Variants in XRCC4 observed in about 807,000 individuals in gnomAD.
The protein encoded by XRCC4 is X-ray repair cross complementing 4, also known as DNA repair protein XRCC4.
XRCC4 carries 28 observed loss-of-function variants against 39.1 expected under a neutral mutation model. That is an observed-to-expected ratio of 0.72 (90% CI 0.53 to 0.98). The LOEUF is 0.98. Ranked by LOEUF, XRCC4 falls within the 50% of genes least tolerant of loss-of-function variation. The pLI is 0.00. For synonymous variants in XRCC4, 123 were observed against 126.4 expected, an observed-to-expected ratio of 0.97 and a Z score of 0.18; for missense variants, 350 against 376.4, an observed-to-expected ratio of 0.93 and a Z score of 0.58.
chr5:83,360,187 G>A, the XRCC4 span, among the ~76,000 whole-genome samples: 1 of 152,076 alleles, frequency 6.6e-6, no homozygotes, highest in African/African-American at 2.4e-5. Context: ...GTTACGACAA[G>A]GAGTTCTCTC....
chr5:83,277,871 ATAATT>A (rs762422979), intron 7 of XRCC4, among the ~76,000 whole-genome samples: 2 of 152,238 alleles, frequency 1.3e-5, no homozygotes, highest in Non-Finnish European at 2.9e-5. Flanking sequence ...TTTTGCAAAA[ATAATT>A]TAATATCTTG....
chr5:83,186,586 A>T (rs1429541347), intron 3 of XRCC4, among the ~76,000 whole-genome samples: 1 of 152,114 alleles, frequency 6.6e-6, no homozygotes, highest in African/African-American at 2.4e-5. Flanking sequence ...CACATCCCTA[A>T]AGTCCTTTTT....
chr5:83,289,042 A>G (rs1040620353), intron 7 of XRCC4, among the ~76,000 whole-genome samples: 3 of 151,534 alleles, frequency 2.0e-5, no homozygotes, highest in Admixed American at 6.6e-5. Flanking sequence ...CATTAACTGT[A>G]TTTATTCTAC....
At chr5:83,278,347 A>G (rs972890352) in intron 7 of XRCC4, among the ~76,000 whole-genome samples, 3 of 152,198 alleles carry the variant, frequency 2.0e-5, no homozygotes, top group African/African-American at 7.2e-5. Flanking sequence ...AGTAAGAAAG[A>G]CTTTTCTTTA....
intron 6 of XRCC4, among the ~76,000 whole-genome samples, chr5:83,229,785 A>G (rs141591656): frequency 6.6e-6 from 1 of 150,388 alleles, no homozygotes; most frequent in Admixed American, 6.7e-5. Context: ...GGTAGTTGAT[A>G]TGCAGTTTCA....
chr5:83,354,613 T>C (rs899011736), downstream of XRCC4, among the ~76,000 whole-genome samples: 4 of 152,222 alleles, frequency 2.6e-5, no homozygotes, highest in East Asian at 3.8e-4. Flanking sequence ...CGAGTATAGC[T>C]ATCTACTTAT....
intron 3 of XRCC4, among the ~76,000 whole-genome samples, chr5:83,139,624 C>A (rs1200178562): frequency 6.6e-6 from 1 of 152,088 alleles, no homozygotes; most frequent in African/African-American, 2.4e-5. Flanking sequence ...GATGTGCAAA[C>A]ATCATAGAGT....
intron 7 of XRCC4, among the ~76,000 whole-genome samples, chr5:83,294,956 TA>T (rs1561459672): frequency 1.3e-5 from 2 of 152,062 alleles, no homozygotes; most frequent in Non-Finnish European, 2.9e-5. Context: ...GCAAAATTAG[TA>T]GACAAATAAT....
At chr5:83,356,226 T>G (rs771875501), downstream of XRCC4, among the ~76,000 whole-genome samples, 92 of 152,130 alleles carry the variant, frequency 6.0e-4, no homozygotes, top group Non-Finnish European at 1.1e-3. Context: ...AGTGATTTTG[T>G]ATGTGAAATA....
intron 3 of XRCC4, among the ~76,000 whole-genome samples, chr5:83,159,357 A>G (rs1749100347): frequency 6.6e-6 from 1 of 152,092 alleles, no homozygotes; most frequent in Non-Finnish European, 1.5e-5. Context: ...TTTGGGGGCA[A>G]TGGGAATGTT....
At chr5:83,176,959 C>A (rs1037393502) in intron 3 of XRCC4, among the ~76,000 whole-genome samples, 2 of 152,026 alleles carry the variant, frequency 1.3e-5, no homozygotes, top group African/African-American at 4.8e-5. Context: ...GAAGTTGCAT[C>A]ATAATCTATT....
At chr5:83,277,423 A>T (rs1189342461) in intron 7 of XRCC4, among the ~76,000 whole-genome samples, 1 of 152,238 alleles carries the variant, frequency 6.6e-6, no homozygotes, top group African/African-American at 2.4e-5. Context: ...TGGAATAAGG[A>T]GATAGCACGG....
At chr5:83,118,278 T>G (rs1180640614) in intron 3 of XRCC4, among the ~76,000 whole-genome samples, 2 of 151,920 alleles carry the variant, frequency 1.3e-5, no homozygotes, top group African/African-American at 4.8e-5. Flanking sequence ...GACACAGGCT[T>G]CTTTGATCAT....
the XRCC4 span, among the ~76,000 whole-genome samples, chr5:83,363,688 T>A: frequency 6.6e-5 from 10 of 152,188 alleles, no homozygotes; most frequent in African/African-American, 2.2e-4. Flanking sequence ...CTCTTTCTAG[T>A]ACTTGGCCCT....
In XRCC4 at chr5:83,274,806, T is replaced by C. The variant is rs28360262; in HGVS notation, c.893+16129T>C. 7.2e-3 allele frequency among the ~76,000 whole-genome samples: 1,102 copies of C among 152,332 alleles called. 7 individuals are homozygous for C. The highest frequency in any genetic ancestry group is 0.024 in the African/African-American group (994 of 41,578). ...ATGAGAGGGAGTGGTCTGTGATGTA[T>C]GTATCAGTGAAATAAGCTTTGAGGG... On this transcript the variant is annotated intron_variant, in intron 7 of 7. Coordinates refer to ENST00000396027, the MANE Select transcript of XRCC4 (RefSeq NM_003401.5).
chr5:83,206,689 A>G (rs28360159), intron 6 of XRCC4, among the ~76,000 whole-genome samples: 3,621 of 152,228 alleles, frequency 0.024, 130 homozygotes, highest in African/African-American at 0.083. Flanking sequence ...TAAATAAAAG[A>G]AAGAATATGT....
At position 83,203,611 on chromosome 5, in the gene XRCC4, T is replaced by C. The variant is rs1199884817; in HGVS notation, c.542T>C (p.Ile181Thr). The change falls in exon 5 of 8, where the codon ATT (isoleucine) becomes ACT (threonine). Residue 181 changes from isoleucine (I) to threonine (T), a missense_variant. Transcript: ENST00000396027. ...GAGACTGATCTTTATAAGCGGTTTA[T>C]TCTGGTGTTGAATGAGAAGAAAACA... ...ALETDLYKRF[I>T]LVLNEKKTKI... The C allele has an allele frequency of 3.1e-6, 5 of 1,611,944 alleles. No individual in the cohort carries two copies. Among genetic ancestry groups the C allele is most frequent in the South Asian group, 1.1e-5 (1 of 90,402 alleles).
chr5:83,328,715 T>C (rs1756344349), intron 7 of XRCC4, among the ~76,000 whole-genome samples: 1 of 151,858 alleles, frequency 6.6e-6, no homozygotes, highest in African/African-American at 2.4e-5. Context: ...AAGAATAAAG[T>C]GGGGAAACTT....
At chr5:83,261,968 AC>A (rs1278276507) in intron 7 of XRCC4, among the ~76,000 whole-genome samples, 8 of 152,150 alleles carry the variant, frequency 5.3e-5, no homozygotes, top group African/African-American at 1.9e-4. Flanking sequence ...TCTGAGAAAA[AC>A]TAAATACTTA....
Sources: gnomAD v4.1 joint callset for allele counts (sites outside exome capture counted in the v4.1 genomes callset) on GRCh38, gnomAD v4.1.1 for gene constraint, MANE v1.5 for transcripts, NCBI Gene and HGNC (gene_info 2026-07-23, HGNC 2026-07-21) for gene names.